The following ATOSA variants were observed in gnomAD, a reference collection of about 807,000 sequenced individuals.
The protein encoded by ATOSA is atos homolog A.
the ATOSA span, among the ~76,000 whole-genome samples, chr15:52,667,198 T>C: frequency 6.6e-6 from 1 of 152,232 alleles, no homozygotes. Context: ...CACTTTTCTC[T>C]TTAATCCATT....
chr15:52,664,242 T>C, the ATOSA span, among the ~76,000 whole-genome samples: 1 of 152,214 alleles, frequency 6.6e-6, no homozygotes, highest in Non-Finnish European at 1.5e-5. Context: ...ACTTTAGACA[T>C]TATACCCCAT....
chr15:52,632,498 T>A, the ATOSA span, among the ~76,000 whole-genome samples: 1 of 152,112 alleles, frequency 6.6e-6, no homozygotes, highest in East Asian at 1.9e-4. Flanking sequence ...TAGGCATAAA[T>A]CCAAATACTG....
At chr15:52,689,861 G>A in the ATOSA span, among the ~76,000 whole-genome samples, 370 of 152,268 alleles carry the variant, frequency 2.4e-3, 1 homozygote, top group Non-Finnish European at 4.5e-3. Context: ...CCCTAACAAT[G>A]GGCAATGGAG....
the ATOSA span, among the ~76,000 whole-genome samples, chr15:52,676,903 G>A: frequency 6.2e-3 from 945 of 152,156 alleles, 8 homozygotes; most frequent in South Asian, 0.018. Flanking sequence ...ATCTAAACTT[G>A]GCATTCTACA....
the ATOSA span, among the ~76,000 whole-genome samples, chr15:52,705,008 A>G: frequency 6.6e-6 from 1 of 152,262 alleles, no homozygotes; most frequent in African/African-American, 2.4e-5. Flanking sequence ...TACTGGGTAT[A>G]TACCCAAAGG....
At chr15:52,673,130 A>G in the ATOSA span, among the ~76,000 whole-genome samples, 1 of 152,224 alleles carries the variant, frequency 6.6e-6, no homozygotes, top group Admixed American at 6.5e-5. Context: ...TTGAATGCTA[A>G]GTGCCAGCCA....
chr15:52,584,145 C>CT, the ATOSA span, among the ~76,000 whole-genome samples: 3,811 of 125,284 alleles, frequency 0.03, 191 homozygotes, highest in African/African-American at 0.093. Flanking sequence ...GCTCATATTA[C>CT]TTTTTTTTTT....
the ATOSA span, among the ~76,000 whole-genome samples, chr15:52,703,961 T>C: frequency 6.6e-6 from 1 of 152,072 alleles, no homozygotes; most frequent in Non-Finnish European, 1.5e-5. Context: ...ACTTCCAGGA[T>C]ATACTATTAA....
the ATOSA span, among the ~76,000 whole-genome samples, chr15:52,604,449 C>T: frequency 4.6e-5 from 7 of 152,296 alleles, no homozygotes; most frequent in African/African-American, 1.2e-4. Context: ...ACTAAAAATA[C>T]GTTTGTGGCA....
At chr15:52,694,176 T>A in the ATOSA span, among the ~76,000 whole-genome samples, 390 of 150,868 alleles carry the variant, frequency 2.6e-3, no homozygotes, top group Admixed American at 3.2e-3. Flanking sequence ...ATATTTTTTT[T>A]TTTTTTTGAG....
chr15:52,602,286 C>T, the ATOSA span, among the ~76,000 whole-genome samples: 1 of 152,168 alleles, frequency 6.6e-6, no homozygotes, highest in Non-Finnish European at 1.5e-5. Context: ...TTCAAATCCA[C>T]ATTCTTTCAT....
the ATOSA span, chr15:52,678,234 C>G: frequency 8.0e-6 from 5 of 625,836 alleles, no homozygotes; most frequent in African/African-American, 1.8e-5. Flanking sequence ...TGACAGCACC[C>G]TCGGCTGGTC....
At chr15:52,706,734 G>A in the ATOSA span, among the ~76,000 whole-genome samples, 7 of 152,252 alleles carry the variant, frequency 4.6e-5, no homozygotes, top group East Asian at 1.3e-3. Flanking sequence ...CAATAAAAGG[G>A]AGCGATGTAT....
the ATOSA span, chr15:52,611,628 A>G: frequency 1.2e-6 from 2 of 1,613,934 alleles, no homozygotes; most frequent in Admixed American, 3.3e-5. Context: ...CATCTTGCTT[A>G]ATCGCAGGAT....
chr15:52,693,332 A>G, the ATOSA span, among the ~76,000 whole-genome samples: 1 of 152,140 alleles, frequency 6.6e-6, no homozygotes, highest in Non-Finnish European at 1.5e-5. Flanking sequence ...AGGTAGGAGA[A>G]CCAGTTGAAC....
the ATOSA span, among the ~76,000 whole-genome samples, chr15:52,584,022 T>C: frequency 6.9e-6 from 1 of 144,924 alleles, no homozygotes; most frequent in Non-Finnish European, 1.5e-5. Flanking sequence ...ATTGAAGAAG[T>C]CTTCTGCCTG....
chr15:52,687,202 G>C, the ATOSA span, among the ~76,000 whole-genome samples: 1 of 152,154 alleles, frequency 6.6e-6, no homozygotes, highest in African/African-American at 2.4e-5. Flanking sequence ...TCAGGAGATC[G>C]AGACCATCCT....
chr15:52,629,308 G>C, the ATOSA span, among the ~76,000 whole-genome samples: 3 of 152,132 alleles, frequency 2.0e-5, no homozygotes, highest in East Asian at 1.9e-4. Flanking sequence ...AACCTCAAAA[G>C]AGTGGTATAT....
chr15:52,648,444 C>T, the ATOSA span, among the ~76,000 whole-genome samples: 6 of 152,078 alleles, frequency 3.9e-5, no homozygotes, highest in African/African-American at 1.4e-4. Context: ...TCCATCACCA[C>T]AAACATTTAT....
Sources: gnomAD v4.1 joint callset for allele counts (sites outside exome capture counted in the v4.1 genomes callset) on GRCh38, gnomAD v4.1.1 for gene constraint, MANE v1.5 for transcripts, NCBI Gene and HGNC (gene_info 2026-07-23, HGNC 2026-07-21) for gene names.